Variants in TPTE2 observed in about 807,000 individuals in gnomAD.
The protein encoded by TPTE2 is phosphatidylinositol 3,4,5-trisphosphate 3-phosphatase TPTE2.
In TPTE2, 53 loss-of-function variants were observed where a neutral mutation model predicts 78.6. The ratio of observed to expected loss-of-function variants is 0.67; its 90% CI spans 0.54 to 0.85. The LOEUF (loss-of-function observed/expected upper bound fraction) is 0.85, where lower values mean the gene tolerates loss of function less well. TPTE2 is among the 40% of genes least tolerant of loss of function. The pLI, the probability that TPTE2 is intolerant of heterozygous loss-of-function variation, is 0.00. For missense variants in TPTE2, 461 were observed against 623.0 expected (o/e 0.74, Z 2.77); for synonymous variants, 175 against 206.2 (o/e 0.85, Z 1.30).
chr13:19,450,178 T>A lies in TPTE2; in HGVS notation c.885-14A>T, dbSNP rs1266017600. 1 of 1,610,846 alleles carries A rather than the reference T, an allele frequency of 6.2e-7. No homozygotes were observed. Among genetic ancestry groups the A allele is most frequent in the Non-Finnish European group, 8.5e-7 (1 of 1,179,328 alleles). ...ACCACCATCTCACTGATTTCAAGTTTAAGATTTTTAGTTAAAATATTTTCA... is the reference window on the plus strand; with the variant it reads ...ACCACCATCTCACTGATTTCAAGTTAAAGATTTTTAGTTAAAATATTTTCA... On this transcript the variant is annotated splice_polypyrimidine_tract_variant and intron_variant, in intron 12 of 19. Transcript: ENST00000400230.
chr13:19,437,146 G>C (rs1287578965), intron 14 of TPTE2, among the ~76,000 whole-genome samples: 1 of 151,870 alleles, frequency 6.6e-6, no homozygotes, highest in Non-Finnish European at 1.5e-5. Flanking sequence ...TTACAACCCA[G>C]TAACTTTATT....
chr13:19,465,048 T>G (rs1469348557), intron 9 of TPTE2, among the ~76,000 whole-genome samples: 7 of 152,218 alleles, frequency 4.6e-5, no homozygotes, highest in African/African-American at 1.4e-4. Context: ...CAAGTTCCTA[T>G]GCTGCAACTG....
At position 19,486,403 on chromosome 13, in the gene TPTE2, T is replaced by C. The variant is rs1052433273; in HGVS notation, c.120-3856A>G. Among the ~76,000 whole-genome samples, 1 of 152,156 alleles carries C rather than the reference T, an allele frequency of 6.6e-6. No homozygotes were observed. The highest frequency in any genetic ancestry group is 1.5e-5 in the Non-Finnish European group (1 of 68,024). ...CTCAGGGTAGGGGTGTGTGCAGGCATACACTGGGTCAGAAAACTTGGAGTA... is the reference window on the plus strand; with the variant it reads ...CTCAGGGTAGGGGTGTGTGCAGGCACACACTGGGTCAGAAAACTTGGAGTA... On this transcript the variant is annotated intron_variant, in intron 3 of 19. Coordinates refer to ENST00000400230, the Ensembl canonical transcript of TPTE2. The surrounding 1 kb of genome is among the most constrained non-coding windows in gnomAD (Gnocchi z 4.3).
intron 13 of TPTE2, among the ~76,000 whole-genome samples, chr13:19,441,022 G>A (rs1489959322): frequency 6.6e-6 from 1 of 151,916 alleles, no homozygotes; most frequent in Non-Finnish European, 1.5e-5. Flanking sequence ...GGGGGGTGGA[G>A]GTTGCAGTGA....
At chr13:19,512,908 T>C (rs1426581971) in intron 1 of TPTE2, among the ~76,000 whole-genome samples, 1 of 152,154 alleles carries the variant, frequency 6.6e-6, no homozygotes, top group Admixed American at 6.5e-5. Flanking sequence ...CACCAGCATT[T>C]CCTTTTGTAG....
chr13:19,425,523 A>G (rs141794240), intron 18 of TPTE2, among the ~76,000 whole-genome samples: 1,536 of 152,126 alleles, frequency 0.01, 16 homozygotes, highest in Non-Finnish European at 0.013. Context: ...CCTTCTCCTG[A>G]TGACCACTTC....
chr13:19,445,816 C>T (rs1877791745), intron 13 of TPTE2, among the ~76,000 whole-genome samples: 1 of 152,174 alleles, frequency 6.6e-6, no homozygotes, highest in Non-Finnish European at 1.5e-5. Context: ...TGGCGGACGC[C>T]TGTAATCCCA....
At chr13:19,514,592 AGTGTGTGT>A (rs151110694) in intron 1 of TPTE2, among the ~76,000 whole-genome samples, 21,721 of 126,768 alleles carry the variant, frequency 0.17, 2,034 homozygotes, top group African/African-American at 0.25. Context: ...TACTTCTGAG[AGTGTGTGT>A]GTGTGTGTGT....
chr13:19,432,963 G>C (rs1876784226), intron 15 of TPTE2, among the ~76,000 whole-genome samples: 1 of 152,198 alleles, frequency 6.6e-6, no homozygotes. Context: ...CTGGACATGA[G>C]AGAATGGTAT....
intron 1 of TPTE2, among the ~76,000 whole-genome samples, chr13:19,495,413 A>C (rs1881243826): frequency 1.3e-5 from 2 of 152,200 alleles, no homozygotes; most frequent in African/African-American, 4.8e-5. Flanking sequence ...GGTCCACACT[A>C]CTAGCACAGT....
chr13:19,546,483 C>CT, the TPTE2 span, among the ~76,000 whole-genome samples: 3,812 of 84,998 alleles, frequency 0.045, 413 homozygotes, highest in African/African-American at 0.15. Flanking sequence ...TTTTCTTTTT[C>CT]TTTTTTTTTT....
intron 1 of TPTE2, among the ~76,000 whole-genome samples, chr13:19,509,645 G>A (rs1290684341): frequency 6.6e-6 from 1 of 152,006 alleles, no homozygotes; most frequent in Non-Finnish European, 1.5e-5. Context: ...AAACACCACA[G>A]GGCCCACATA....
At chr13:19,429,343 C>T (rs1026815204) in intron 17 of TPTE2, among the ~76,000 whole-genome samples, 54 of 152,310 alleles carry the variant, frequency 3.5e-4, no homozygotes, top group African/African-American at 1.3e-3. Context: ...AAGGCATAAT[C>T]AACAGAGATG....
intron 3 of TPTE2, among the ~76,000 whole-genome samples, chr13:19,487,600 T>C (rs1880737663): frequency 6.6e-6 from 1 of 152,076 alleles, no homozygotes; most frequent in African/African-American, 2.4e-5. Flanking sequence ...TGGGGGTTGA[T>C]TTCCCTGCTC....
intron 10 of TPTE2, chr13:19,458,833 T>C (rs1878708424): frequency 3.0e-6 from 1 of 329,860 alleles, no homozygotes; most frequent in African/African-American, 2.1e-5. Context: ...GCATTTAGGT[T>C]GATTCCATGT....
At chr13:19,462,634 CT>C (rs2137558395) in intron 10 of TPTE2, among the ~76,000 whole-genome samples, 1 of 151,720 alleles carries the variant, frequency 6.6e-6, no homozygotes, top group African/African-American at 2.4e-5. Flanking sequence ...CCTCCACCTC[CT>C]GGGTTTAAGC....
chr13:19,481,869 G>C (rs1020271236), intron 4 of TPTE2, among the ~76,000 whole-genome samples: 13 of 152,016 alleles, frequency 8.6e-5, no homozygotes, highest in Non-Finnish European at 1.9e-4. Context: ...CTGGTGAATG[G>C]TTATACAACT....
At chr13:19,437,365 T>C (rs911996702) in intron 14 of TPTE2, among the ~76,000 whole-genome samples, 3 of 152,092 alleles carry the variant, frequency 2.0e-5, no homozygotes, top group African/African-American at 4.8e-5. Flanking sequence ...AGCAAGAAAA[T>C]GGCAGAAAGA....
chr13:19,501,959 TAAAC>T (rs769436698), intron 1 of TPTE2, among the ~76,000 whole-genome samples: 180 of 149,716 alleles, frequency 1.2e-3, no homozygotes, highest in Non-Finnish European at 6.5e-4. Flanking sequence ...AAGAAAAAAA[TAAAC>T]AACCCCATCA....
Sources: allele counts gnomAD v4.1 joint callset (sites outside exome capture counted in the v4.1 genomes callset), GRCh38; gene constraint gnomAD v4.1.1; non-coding constraint Gnocchi (gnomAD v3.1); transcripts MANE v1.5; gene names NCBI Gene and HGNC (gene_info 2026-07-23, HGNC 2026-07-21).